H3C12: variants seen among roughly 807,000 people sequenced by gnomAD.
H3C12 encodes the protein histone H3.1.
Under a neutral mutation model 7.0 loss-of-function variants are expected in H3C12, and 7 were observed. The observed-to-expected ratio is 1.00, with a 90% confidence interval of 0.57 to 1.87. The LOEUF (loss-of-function observed/expected upper bound fraction) is 1.87, where lower values mean the gene tolerates loss of function less well. Ranked by LOEUF, H3C12 falls within the 40% of genes most tolerant of loss-of-function variation. H3C12 has a pLI of 0.00. For synonymous variants in H3C12, 100 were observed against 78.5 expected, an observed-to-expected ratio of 1.27 and a Z score of -1.45; for missense variants, 167 against 191.4, an observed-to-expected ratio of 0.87 and a Z score of 0.75.
In H3C12 at chr6:27,890,803, G is replaced by C; in HGVS notation, c.-11C>G. Reference sequence around the variant, plus strand: ...CTTCGTCCGGGCCATAGTTGAGAAAGCTATGCTCTGAAAGCAAGCAGCTGA... The same window carrying C: ...CTTCGTCCGGGCCATAGTTGAGAAACCTATGCTCTGAAAGCAAGCAGCTGA... On this transcript the variant is annotated 5_prime_UTR_variant, in exon 1 of 1. Coordinates refer to ENST00000359303, the MANE Select transcript of H3C12 (RefSeq NM_003535.3). 1.3e-6 allele frequency: 2 copies of C among 1,599,462 alleles called. No homozygotes were observed. The highest frequency in any genetic ancestry group is 1.7e-6 in the Non-Finnish European group (2 of 1,174,936).
chr6:27,890,387 C>T lies in H3C12; in HGVS notation c.406G>A (p.Ala136Thr), dbSNP rs1279958532. The T allele has an allele frequency of 1.3e-6, 2 of 1,577,098 alleles. No individual in the cohort carries two copies. Among genetic ancestry groups the T allele is most frequent in the Non-Finnish European group, 1.7e-6 (2 of 1,159,468 alleles). The change falls in exon 1 of 1, where the codon GCA (alanine) becomes ACA (threonine). Residue 136 changes from alanine to threonine, a missense_variant. Physicochemically the swap from Ala to Thr is moderately conservative, Grantham distance 58 (BLOSUM62 0). Around this residue, in one of 2 missense-constraint regions of H3C12, gnomAD observed 121 missense variants for 112.5 expected, o/e 1.08. Transcript: ENST00000359303. The part of the protein sequence containing the change: ...QLARRIRGER[A>T] ...ACCCAAGATAGAGCAGGGGATTATGCTCGCTCGCCACGGATACGACGCGCA... is the reference window on the plus strand; with the variant it reads ...ACCCAAGATAGAGCAGGGGATTATGTTCGCTCGCCACGGATACGACGCGCA...
Position 27,890,335 on chromosome 6 carries a change from C to T in H3C12, c.*47G>A. The T allele has an allele frequency of 6.6e-7, 1 of 1,510,878 alleles. No individual in the cohort carries two copies. The allele number at this position is 1,510,878 out of a possible 1,614,324, so 93.6% of individuals were successfully genotyped here. ...GAATGTAAGTGGCTCTGAAAAGAGCCTTTGGAAGCTTGGAAGCAATTAAGA... is the reference window on the plus strand; with the variant it reads ...GAATGTAAGTGGCTCTGAAAAGAGCTTTTGGAAGCTTGGAAGCAATTAAGA... On this transcript the variant is annotated 3_prime_UTR_variant, in exon 1 of 1. Transcript: ENST00000359303.
Position 27,890,696 on chromosome 6 carries a change from T to C in H3C12, c.97A>G (p.Thr33Ala). The C allele has an allele frequency of 6.2e-7, 1 of 1,614,170 alleles. No individual in the cohort carries two copies. The highest frequency in any genetic ancestry group is 8.5e-7 in the Non-Finnish European group (1 of 1,180,016). The change falls in exon 1 of 1, where the codon ACT (threonine) becomes GCT (alanine). Residue 33 changes from threonine to alanine, a missense_variant. By Grantham distance (58) the Thr-to-Ala change is moderately conservative. Transcript: ENST00000359303. ...TKAARKSAPATGGVKKPHRYR... is the reference protein window; with the variant it reads ...TKAARKSAPAAGGVKKPHRYR... ...CGGTGGGGCTTCTTCACACCGCCAGTCGCTGGAGCGCTTTTGCGCGCTGCC... is the reference window on the plus strand; with the variant it reads ...CGGTGGGGCTTCTTCACACCGCCAGCCGCTGGAGCGCTTTTGCGCGCTGCC...
rs1215685654 is a variant in H3C12, at chr6:27,890,808, G to C, written c.-16C>G. The C allele has an allele frequency of 1.3e-6, 2 of 1,595,130 alleles. No homozygotes were observed. Among genetic ancestry groups the C allele is most frequent in the South Asian group, 2.3e-5 (2 of 88,040 alleles). On this transcript the variant is annotated 5_prime_UTR_variant, in exon 1 of 1. Coordinates refer to ENST00000359303, the MANE Select transcript of H3C12 (RefSeq NM_003535.3). ...TCCGGGCCATAGTTGAGAAAGCTAT[G>C]CTCTGAAAGCAAGCAGCTGAATGAG...
chr6:27,890,540 A>G lies in H3C12; in HGVS notation c.253T>C (p.Phe85Leu). Residue 85 changes from phenylalanine (F) to leucine (L), a missense_variant, in exon 1 of 1, where the codon TTC becomes CTC. Physicochemically the swap from Phe to Leu is conservative, Grantham distance 22. This residue lies in a region of H3C12 where 121 missense variants were observed against 112.5 expected (regional missense o/e 1.08). Transcript: ENST00000359303. ...IAQDFKTDLR[F>L]QSSAVMALQE... The stretch of plus-strand genomic sequence containing the variant: ...AGCGCCATCACCGCCGAGCTCTGGA[A>G]ACGAAGGTCGGTTTTGAAATCCTGC... The G allele has an allele frequency of 1.2e-6, 2 of 1,614,274 alleles. No homozygotes were observed. Among genetic ancestry groups the G allele is most frequent in the Non-Finnish European group, 1.7e-6 (2 of 1,180,044 alleles).
At position 27,890,336 on chromosome 6, in the gene H3C12, TTTGGAAGC is replaced by T. The variant is rs373809153; in HGVS notation, c.*38_*45del. 5.3e-6 allele frequency: 8 copies of T among 1,512,376 alleles called. No homozygotes were observed. In the South Asian group the frequency reaches 5.4e-5, roughly 10 times the overall value. The allele number at this position is 1,512,376 out of a possible 1,614,324, so 93.7% of individuals were successfully genotyped here. On this transcript the variant is annotated 3_prime_UTR_variant, in exon 1 of 1. Coordinates refer to ENST00000359303, the MANE Select transcript of H3C12 (RefSeq NM_003535.3). Reference sequence around the variant, plus strand: ...AATGTAAGTGGCTCTGAAAAGAGCCTTTGGAAGCTTGGAAGCAATTAAGAAACCCAAGA... The same window carrying T: ...AATGTAAGTGGCTCTGAAAAGAGCCTTTGGAAGCAATTAAGAAACCCAAGA...
chr6:27,890,601 G>A lies in H3C12; in HGVS notation c.192C>T (p.Arg64=), dbSNP rs1209788346. The change falls in exon 1 of 1, where the codon CGC becomes CGT. Residue 64 remains arginine (R), a synonymous_variant. Transcript: ENST00000359303. The part of the protein sequence containing the change: ...RYQKSTELLI[R]KLPFQRLVRE... ...GCACCAGGCGCTGAAATGGCAGTTT[G>A]CGGATGAGCAGCTCAGTCGACTTCT... The A allele has an allele frequency of 1.2e-6, 2 of 1,614,134 alleles. No homozygotes were observed. The highest frequency in any genetic ancestry group is 2.7e-5 in the African/African-American group (2 of 74,964).
chr6:27,890,331 G>A lies in H3C12; in HGVS notation c.*51C>T, dbSNP rs773173554. ...GTGAGAATGTAAGTGGCTCTGAAAA[G>A]AGCCTTTGGAAGCTTGGAAGCAATT... On this transcript the variant is annotated 3_prime_UTR_variant, in exon 1 of 1. Coordinates refer to ENST00000359303, the MANE Select transcript of H3C12 (RefSeq NM_003535.3). 1 of 1,500,614 alleles carries A rather than the reference G, an allele frequency of 6.7e-7. No individual in the cohort carries two copies. The highest frequency in any genetic ancestry group is 1.4e-5 in the South Asian group (1 of 74,070). 93.0% of individuals were successfully genotyped at this position (1,500,614 alleles called of 1,614,324 possible). A position where few individuals can be genotyped will look rare whatever the true frequency, so the allele number is the denominator to read the frequency against.
chr6:27,890,471 T>C lies in H3C12; in HGVS notation c.322A>G (p.Thr108Ala). ...TTGGCGTGAATAGCACAGAGGTTGG[T>C]GTCTTCAAAGAGACCCACCAGATAG... ...EAYLVGLFED[T>A]NLCAIHAKRV... The change falls in exon 1 of 1, where the codon ACC becomes GCC. Residue 108 changes from threonine (T) to alanine (A), a missense_variant. By Grantham distance (58) the Thr-to-Ala change is moderately conservative. Coordinates refer to ENST00000359303, the MANE Select transcript of H3C12 (RefSeq NM_003535.3). 1.2e-6 allele frequency: 2 copies of C among 1,614,248 alleles called. No individual in the cohort carries two copies. Among genetic ancestry groups the C allele is most frequent in the Admixed American group, 3.3e-5 (2 of 60,034 alleles).
chr6:27,890,534 T>A lies in H3C12; in HGVS notation c.259A>T (p.Ser87Cys). The A allele has an allele frequency of 6.2e-7, 1 of 1,614,246 alleles. No homozygotes were observed. Among genetic ancestry groups the A allele is most frequent in the Non-Finnish European group, 8.5e-7 (1 of 1,180,044 alleles). The change falls in exon 1 of 1, where the codon AGC (serine) becomes TGC (cysteine). Residue 87 changes from serine to cysteine, a missense_variant. This residue lies in a region of H3C12 where 121 missense variants were observed against 112.5 expected (regional missense o/e 1.08). Coordinates refer to ENST00000359303, the MANE Select transcript of H3C12 (RefSeq NM_003535.3). The part of the protein sequence containing the change: ...QDFKTDLRFQ[S>C]SAVMALQEAC... ...TCTTGCAGCGCCATCACCGCCGAGC[T>A]CTGGAAACGAAGGTCGGTTTTGAAA...
At position 27,890,626 on chromosome 6, in the gene H3C12, T is replaced by C; in HGVS notation, c.167A>G (p.Gln56Arg). ...TVALREIRRYQKSTELLIRKL... is the reference protein window; with the variant it reads ...TVALREIRRYRKSTELLIRKL... ...GCGGATGAGCAGCTCAGTCGACTTCTGATAACGGCGGATCTCACGCAAGGC... is the reference window on the plus strand; with the variant it reads ...GCGGATGAGCAGCTCAGTCGACTTCCGATAACGGCGGATCTCACGCAAGGC... The change falls in exon 1 of 1, where the codon CAG (glutamine) becomes CGG (arginine). Residue 56 changes from glutamine (Q) to arginine (R), a missense_variant. By Grantham distance (43) the Gln-to-Arg change is conservative. Coordinates refer to ENST00000359303, the MANE Select transcript of H3C12 (RefSeq NM_003535.3). The C allele has an allele frequency of 6.2e-7, 1 of 1,614,224 alleles. No individual in the cohort carries two copies. The highest frequency in any genetic ancestry group is 8.5e-7 in the Non-Finnish European group (1 of 1,180,014).
In H3C12 at chr6:27,890,717, C is replaced by A. The variant is rs1399680791; in HGVS notation, c.76G>T (p.Ala26Ser). The change falls in exon 1 of 1, where the codon GCG (alanine) becomes TCG (serine). Residue 26 changes from alanine (A) to serine (S), a missense_variant. Transcript: ENST00000359303. ...APRKQLATKAARKSAPATGGV... is the reference protein window; with the variant it reads ...APRKQLATKASRKSAPATGGV... ...CCAGTCGCTGGAGCGCTTTTGCGCG[C>A]TGCCTTGGTGGCCAGCTGCTTCCGC... The A allele has an allele frequency of 6.8e-6, 11 of 1,614,078 alleles. No individual in the cohort carries two copies. The highest frequency in any genetic ancestry group is 9.3e-6 in the Non-Finnish European group (11 of 1,179,990).
rs868712730 is a variant in H3C12 at position 27,890,543 on chromosome 6, G to A, written c.250C>T (p.Arg84Cys). The change falls in exon 1 of 1, where the codon CGT (arginine) becomes TGT (cysteine). Residue 84 changes from arginine to cysteine, a missense_variant. By Grantham distance (180) the Arg-to-Cys change is radical. This residue lies in a region of H3C12 where 121 missense variants were observed against 112.5 expected (regional missense o/e 1.08). Coordinates refer to ENST00000359303, the MANE Select transcript of H3C12 (RefSeq NM_003535.3). ...EIAQDFKTDL[R>C]FQSSAVMALQ... ...GCCATCACCGCCGAGCTCTGGAAAC[G>A]AAGGTCGGTTTTGAAATCCTGCGCG... 1.2e-6 allele frequency: 2 copies of A among 1,614,264 alleles called. No homozygotes were observed. The highest frequency in any genetic ancestry group is 1.3e-5 in the African/African-American group (1 of 75,074).
chr6:27,890,461 C>CAG lies in H3C12; in HGVS notation c.330_331dup (p.Cys111SerfsTer?). The CAG allele has an allele frequency of 6.2e-7, 1 of 1,614,206 alleles. No homozygotes were observed. The highest frequency in any genetic ancestry group is 1.1e-5 in the South Asian group (1 of 91,080). On this transcript the variant is annotated frameshift_variant, in exon 1 of 1. Transcript: ENST00000359303. LOFTEE classifies it high-confidence loss of function. ...AGTGACACGCTTGGCGTGAATAGCA[C>CAG]AGAGGTTGGTGTCTTCAAAGAGACC...
rs754653905 is a variant in H3C12, at chr6:27,890,780, T to TCGTC, written c.9_12dup (p.Lys5AspfsTer48). The TCGTC allele has an allele frequency of 6.2e-7, 1 of 1,613,060 alleles. No individual in the cohort carries two copies. The highest frequency in any genetic ancestry group is 8.5e-7 in the Non-Finnish European group (1 of 1,179,518). ...CCGGTAGACTTGCGAGCTGTCTGCT[T>TCGTC]CGTCCGGGCCATAGTTGAGAAAGCT... On this transcript the variant is annotated frameshift_variant, in exon 1 of 1. Transcript: ENST00000359303. LOFTEE classifies it high-confidence loss of function.
chr6:27,890,456 T>C lies in H3C12; in HGVS notation c.337A>G (p.Ile113Val), dbSNP rs1761875588. 3.1e-6 allele frequency: 5 copies of C among 1,613,936 alleles called. No homozygotes were observed. Among genetic ancestry groups the C allele is most frequent in the African/African-American group, 1.3e-5 (1 of 74,950 alleles). Reference sequence around the variant, plus strand: ...ATAATAGTGACACGCTTGGCGTGAATAGCACAGAGGTTGGTGTCTTCAAAG... The same window carrying C: ...ATAATAGTGACACGCTTGGCGTGAACAGCACAGAGGTTGGTGTCTTCAAAG... Reference protein sequence around the residue: ...GLFEDTNLCAIHAKRVTIMPK... With the variant: ...GLFEDTNLCAVHAKRVTIMPK... The change falls in exon 1 of 1, where the codon ATT becomes GTT. Residue 113 changes from isoleucine to valine, a missense_variant. By Grantham distance (29) the Ile-to-Val change is conservative (BLOSUM62 3). Around this residue, in one of 2 missense-constraint regions of H3C12, gnomAD observed 121 missense variants for 112.5 expected, o/e 1.08. Transcript: ENST00000359303.
Position 27,890,601 on chromosome 6 carries a change from G to C in H3C12, c.192C>G (p.Arg64=), listed in dbSNP as rs1209788346. 2.5e-6 allele frequency: 4 copies of C among 1,614,252 alleles called. No homozygotes were observed. The highest frequency in any genetic ancestry group is 3.4e-6 in the Non-Finnish European group (4 of 1,180,026). The change falls in exon 1 of 1, where the codon CGC becomes CGG. Residue 64 remains arginine (R), a synonymous_variant. Coordinates refer to ENST00000359303, the MANE Select transcript of H3C12 (RefSeq NM_003535.3). The part of the protein sequence containing the change: ...RYQKSTELLI[R]KLPFQRLVRE... ...GCACCAGGCGCTGAAATGGCAGTTT[G>C]CGGATGAGCAGCTCAGTCGACTTCT... is the stretch of plus-strand genomic sequence containing the variant.
In H3C12 at chr6:27,890,369, A is replaced by T; in HGVS notation, c.*13T>A. 6.5e-7 allele frequency: 1 copy of T among 1,546,772 alleles called. No individual in the cohort carries two copies. Among genetic ancestry groups the T allele is most frequent in the Non-Finnish European group, 8.7e-7 (1 of 1,147,076 alleles). ...CTTGGAAGCAATTAAGAAACCCAAG[A>T]TAGAGCAGGGGATTATGCTCGCTCG... is the stretch of plus-strand genomic sequence containing the variant. On this transcript the variant is annotated 3_prime_UTR_variant, in exon 1 of 1. Coordinates refer to ENST00000359303, the MANE Select transcript of H3C12 (RefSeq NM_003535.3).
In H3C12 at chr6:27,890,533, C is replaced by T. The variant is rs1379340615; in HGVS notation, c.260G>A (p.Ser87Asn). 1.9e-6 allele frequency: 3 copies of T among 1,614,268 alleles called. No individual in the cohort carries two copies. The highest frequency in any genetic ancestry group is 2.5e-6 in the Non-Finnish European group (3 of 1,180,040). ...CTCTTGCAGCGCCATCACCGCCGAG[C>T]TCTGGAAACGAAGGTCGGTTTTGAA... ...QDFKTDLRFQ[S>N]SAVMALQEAC... Residue 87 changes from serine (S) to asparagine (N), a missense_variant, in exon 1 of 1, where the codon AGC (serine) becomes AAC (asparagine). Physicochemically the swap from Ser to Asn is conservative, Grantham distance 46. This residue lies in a region of H3C12 where 121 missense variants were observed against 112.5 expected (regional missense o/e 1.08). Coordinates refer to ENST00000359303, the MANE Select transcript of H3C12 (RefSeq NM_003535.3).
Sources: allele counts gnomAD v4.1 joint callset, GRCh38; gene constraint gnomAD v4.1.1; regional missense constraint gnomAD v4.1.1; transcripts MANE v1.5; gene names NCBI Gene and HGNC (gene_info 2026-07-23, HGNC 2026-07-21).